MALT1: variants seen among roughly 807,000 people sequenced by gnomAD.
MALT1 encodes mucosa-associated lymphoid tissue lymphoma translocation protein 1.
In MALT1, 36 loss-of-function variants were observed where a neutral mutation model predicts 85.5. The observed-to-expected ratio is 0.42, with a 90% confidence interval of 0.32 to 0.56. MALT1 has a LOEUF of 0.56. Among genes scored for constraint, MALT1 ranks in the 20% least tolerant of loss-of-function variants. MALT1 has a pLI of 0.10. For synonymous variants in MALT1, 359 were observed against 361.3 expected, an observed-to-expected ratio of 0.99 and a Z score of 0.07; for missense variants, 716 against 981.6, an observed-to-expected ratio of 0.73 and a Z score of 3.62.
At chr18:58,715,789 C>A in intron 8 of MALT1, 146 bp from the exon 9 acceptor site, 1 of 657,528 alleles carries the variant, frequency 1.5e-6, no homozygotes, top group Non-Finnish European at 2.7e-6. Flanking sequence ...CGTTTTTTTC[C>A]ATTCAAGAGT....
chr18:58,701,697 A>G (rs565303982), intron 4 of MALT1, among the ~76,000 whole-genome samples: 1 of 152,344 alleles, frequency 6.6e-6, no homozygotes, highest in Admixed American at 6.5e-5. Context: ...AACTATCAGG[A>G]AAGATTATCT....
chr18:58,704,726 G>A (rs2054721326), intron 4 of MALT1, among the ~76,000 whole-genome samples: 1 of 152,208 alleles, frequency 6.6e-6, no homozygotes, highest in Non-Finnish European at 1.5e-5. Flanking sequence ...TTACTGGCAT[G>A]AGCCACCGCG....
intron 10 of MALT1, among the ~76,000 whole-genome samples, chr18:58,727,628 G>GTTTTTTTTTTTTTTTTTTTTTTTTT (rs74183292): frequency 2.3e-5 from 3 of 130,650 alleles, no homozygotes; most frequent in African/African-American, 9.0e-5. Flanking sequence ...TTTTTTTTTT[G>GTTTTTTTTTTTTTTTTTTTTTTTTT]TTTTTTTTTT....
At chr18:58,697,879 C>G (rs1285987625) in intron 3 of MALT1, among the ~76,000 whole-genome samples, 3 of 152,138 alleles carry the variant, frequency 2.0e-5, no homozygotes, top group African/African-American at 7.2e-5. Flanking sequence ...ACCAGAAGGT[C>G]TCTGCCCTCA....
chr18:58,751,692 A>C lies in MALT1; in HGVS notation c.*3850A>C, dbSNP rs531061438. 1 of 152,332 alleles carries C rather than the reference A, an allele frequency of 6.6e-6. No individual in the cohort carries two copies. Among genetic ancestry groups the C allele is most frequent in the East Asian group, 1.9e-4 (1 of 5,190 alleles). 9.4% of individuals were successfully genotyped at this position (152,332 alleles called of 1,614,324 possible). A position where few individuals can be genotyped will look rare whatever the true frequency, so the allele number is the denominator to read the frequency against. ...AAGATGATAATCTATCAAATCTGTCAATACCAATTAGAATGTAATAAAGAA... is the reference window on the plus strand; with the variant it reads ...AAGATGATAATCTATCAAATCTGTCCATACCAATTAGAATGTAATAAAGAA... On this transcript the variant is annotated 3_prime_UTR_variant, in exon 17 of 17. Transcript: ENST00000649217.
intron 2 of MALT1, among the ~76,000 whole-genome samples, chr18:58,689,361 A>G (rs1401636846): frequency 6.6e-6 from 1 of 152,090 alleles, no homozygotes; most frequent in Non-Finnish European, 1.5e-5. Flanking sequence ...AGATGTAATT[A>G]GTATCTACCT....
intron 1 of MALT1, among the ~76,000 whole-genome samples, chr18:58,673,840 A>G (rs1043785679): frequency 1.3e-5 from 2 of 152,162 alleles, no homozygotes; most frequent in Non-Finnish European, 2.9e-5. Flanking sequence ...TTGCTTGTGC[A>G]AAGGAGTAAT....
chr18:58,716,273 A>C (rs2054898852), intron 9 of MALT1, among the ~76,000 whole-genome samples: 1 of 152,230 alleles, frequency 6.6e-6, no homozygotes, highest in African/African-American at 2.4e-5. Flanking sequence ...GGAAGTGGTT[A>C]GTGCTGTCTC....
intron 4 of MALT1, among the ~76,000 whole-genome samples, chr18:58,704,741 G>T (rs551458460): frequency 6.6e-6 from 1 of 152,148 alleles, no homozygotes; most frequent in Admixed American, 6.5e-5. Flanking sequence ...ACCGCGCCTG[G>T]CCAGAACCAT....
intron 4 of MALT1, among the ~76,000 whole-genome samples, chr18:58,707,809 G>A (rs897813184): frequency 1.3e-5 from 2 of 152,154 alleles, no homozygotes; most frequent in African/African-American, 4.8e-5. Context: ...GTAGTTGTTA[G>A]GTCTGTGCTT....
In MALT1 at chr18:58,710,068, C is replaced by A. The variant is rs747343631; in HGVS notation, c.921C>A (p.Ile307=). 1 of 1,595,952 alleles carries A rather than the reference C, an allele frequency of 6.3e-7. No individual in the cohort carries two copies. The highest frequency in any genetic ancestry group is 2.2e-5 in the East Asian group (1 of 44,670). The change falls in exon 6 of 17, where the codon ATC becomes ATA. Residue 307 remains isoleucine (I), a synonymous_variant. Transcript: ENST00000649217. ...DSQDSKKVEI[I]IGRTDEAVEC... ...AAGATAGCAAGAAGGTAGAAATCAT[C>A]ATAGGTAAGAAGTATTTCCCCAGTG...
chr18:58,701,509 A>G (rs2054672301), intron 4 of MALT1, among the ~76,000 whole-genome samples: 1 of 152,186 alleles, frequency 6.6e-6, no homozygotes, highest in South Asian at 2.1e-4. Context: ...TGAGCAGTGT[A>G]GGGATAAGGA....
chr18:58,743,752 CTT>C (rs2055331707), intron 14 of MALT1, among the ~76,000 whole-genome samples: 1 of 152,110 alleles, frequency 6.6e-6, no homozygotes, highest in Non-Finnish European at 1.5e-5. Context: ...CTGATGGTAT[CTT>C]TCTGCTTTTT....
intron 9 of MALT1, 66 bp from the exon 10 acceptor site, chr18:58,722,982 A>G (rs1401107320): frequency 1.9e-6 from 2 of 1,026,198 alleles, no homozygotes; most frequent in Middle Eastern, 2.1e-4. Flanking sequence ...TTATAATACC[A>G]TCTCCATAGG....
Position 58,681,382 on chromosome 18 carries a change from A to G in MALT1, c.376+46A>G, listed in dbSNP as rs150167684. ...TATTCTCCAGGAGTTCATGGAGCCA[A>G]ACTTAGAAGAAATTATCTCTTTTGA... On this transcript the variant is annotated intron_variant, in intron 2 of 16. Coordinates refer to ENST00000649217, the MANE Select transcript of MALT1 (RefSeq NM_006785.4). The G allele has an allele frequency of 1.0e-4, 160 of 1,536,548 alleles. 1 individual carries two copies. The East Asian group carries it at 3.5e-3, about 34-fold the overall frequency.
chr18:58,743,700 T>A (rs530403544), intron 14 of MALT1, among the ~76,000 whole-genome samples: 7 of 152,170 alleles, frequency 4.6e-5, no homozygotes, highest in Admixed American at 4.6e-4. Context: ...TAGAGAAAAA[T>A]TTTTTAAATG....
rs747389098 is a variant in MALT1, at chr18:58,750,104, G to A, written c.*2262G>A. Reference sequence around the variant, plus strand: ...ATAGTTGTATATAGAAAATGCTAAAGAATCCATAAAAAGTAATAAATGAGT... The same window carrying A: ...ATAGTTGTATATAGAAAATGCTAAAAAATCCATAAAAAGTAATAAATGAGT... On this transcript the variant is annotated 3_prime_UTR_variant, in exon 17 of 17. Transcript: ENST00000649217. 2 of 185,834 alleles carry A rather than the reference G, an allele frequency of 1.1e-5. No individual in the cohort carries two copies. Among genetic ancestry groups the A allele is most frequent in the African/African-American group, 4.7e-5 (2 of 42,716 alleles). 11.5% of individuals were successfully genotyped at this position (185,834 alleles called of 1,614,324 possible). A position where few individuals can be genotyped will look rare whatever the true frequency, so the allele number is the denominator to read the frequency against.
At chr18:58,708,516 T>C (rs1302662474) in intron 4 of MALT1, among the ~76,000 whole-genome samples, 3 of 152,124 alleles carry the variant, frequency 2.0e-5, no homozygotes, top group Non-Finnish European at 4.4e-5. Context: ...CCTTGTCAAC[T>C]CAGTTCTAAA....
rs183465669 is a variant in MALT1, at chr18:58,692,395, C to T, written c.377-3971C>T. Among the ~76,000 whole-genome samples, 617 of 149,286 alleles carry T rather than the reference C, an allele frequency of 4.1e-3. 5 individuals carry two copies. The highest frequency in any genetic ancestry group is 6.2e-3 in the Non-Finnish European group (417 of 67,280). ...GTCATGTGTATTCCAACTGCTCCAC[C>T]GACTGGCCATTCCTCTCTCTCTCTC... On this transcript the variant is annotated intron_variant, in intron 2 of 16. Coordinates refer to ENST00000649217, the MANE Select transcript of MALT1 (RefSeq NM_006785.4).
Sources: allele counts gnomAD v4.1 joint callset (sites outside exome capture counted in the v4.1 genomes callset), GRCh38; gene constraint gnomAD v4.1.1; transcripts MANE v1.5; gene names NCBI Gene and HGNC (gene_info 2026-07-23, HGNC 2026-07-21).